RFX7: variants seen among roughly 807,000 people sequenced by gnomAD.
RFX7 encodes the protein DNA-binding protein RFX7.
Under a neutral mutation model 111.8 loss-of-function variants are expected in RFX7, and 26 were observed. The observed-to-expected ratio is 0.23, with a 90% CI of 0.17 to 0.32. The LOEUF (loss-of-function observed/expected upper bound fraction) is 0.32, where lower values mean the gene tolerates loss of function less well. Ranked by LOEUF, RFX7 falls within the 10% of genes least tolerant of loss-of-function variation. RFX7 has a pLI of 1.00. For missense variants in RFX7, 1,573 were observed against 1,772.9 expected, an observed-to-expected ratio of 0.89 and a Z score of 2.02; for synonymous variants, 624 against 624.4, an observed-to-expected ratio of 1.00 and a Z score of 0.01.
At chr15:56,132,028 G>A (rs1019211710) in intron 5 of RFX7, among the ~76,000 whole-genome samples, 48 of 151,718 alleles carry the variant, frequency 3.2e-4, no homozygotes, top group Non-Finnish European at 2.1e-4. Context: ...AGAAATTACC[G>A]AGGATTATGT....
upstream of RFX7, among the ~76,000 whole-genome samples, chr15:56,244,847 A>T (rs2043808059): frequency 6.9e-6 from 1 of 143,974 alleles, no homozygotes; most frequent in African/African-American, 2.5e-5. Context: ...TACCTAAATG[A>T]TAGCTTTGCC....
chr15:56,122,363 T>C (rs1384961681), intron 5 of RFX7, among the ~76,000 whole-genome samples: 1 of 152,174 alleles, frequency 6.6e-6, no homozygotes, highest in Admixed American at 6.5e-5. Flanking sequence ...TCTTCCCTTA[T>C]TTTCTCCCAA....
intron 2 of RFX7, among the ~76,000 whole-genome samples, chr15:56,200,234 G>T (rs1175390185): frequency 6.6e-6 from 1 of 152,156 alleles, no homozygotes; most frequent in African/African-American, 2.4e-5. Context: ...ATAATGAAAT[G>T]AAAACATGAG....
At chr15:56,146,776 A>G (rs2042479570) in intron 3 of RFX7, among the ~76,000 whole-genome samples, 1 of 152,208 alleles carries the variant, frequency 6.6e-6, no homozygotes, top group Non-Finnish European at 1.5e-5. Context: ...TACTGTTTTC[A>G]TTGCCATATG....
chr15:56,148,189 A>G (rs564649062), intron 3 of RFX7, among the ~76,000 whole-genome samples: 2 of 152,332 alleles, frequency 1.3e-5, no homozygotes, highest in African/African-American at 4.8e-5. Flanking sequence ...CTTTGAACTC[A>G]AGTTTGATTT....
chr15:56,202,634 C>A (rs140775670), intron 2 of RFX7, among the ~76,000 whole-genome samples: 1 of 152,186 alleles, frequency 6.6e-6, no homozygotes, highest in African/African-American at 2.4e-5. Context: ...CGAGACCCTA[C>A]CTCTACAAAA....
chr15:56,103,419 T>C, intron 6 of RFX7, 135 bp downstream of exon 6: 1 of 584,590 alleles, frequency 1.7e-6, no homozygotes, highest in Non-Finnish European at 3.1e-6. Flanking sequence ...TTTGCAATTA[T>C]TCTACTTAAG....
intron 3 of RFX7, among the ~76,000 whole-genome samples, chr15:56,166,763 T>C (rs2042787324): frequency 6.6e-6 from 1 of 152,114 alleles, no homozygotes; most frequent in Non-Finnish European, 1.5e-5. Context: ...ACTTTTTTTT[T>C]TGGTTTAAAG....
chr15:56,221,153 T>C (rs1157143856), intron 2 of RFX7, among the ~76,000 whole-genome samples: 1 of 152,252 alleles, frequency 6.6e-6, no homozygotes, highest in Non-Finnish European at 1.5e-5. Context: ...TAGGATTGCC[T>C]TGGCCATTCA....
intron 5 of RFX7, among the ~76,000 whole-genome samples, chr15:56,127,309 G>C (rs2042156360): frequency 6.6e-6 from 1 of 151,654 alleles, no homozygotes; most frequent in Non-Finnish European, 1.5e-5. Flanking sequence ...AAATATATGG[G>C]ATGTAGTCAA....
At chr15:56,133,607 G>A (rs1366875014) in intron 5 of RFX7, among the ~76,000 whole-genome samples, 4 of 152,078 alleles carry the variant, frequency 2.6e-5, no homozygotes, top group African/African-American at 9.7e-5. Context: ...AGTGCCTAAT[G>A]ATTGTGTGTC....
At chr15:56,111,119 G>T (rs1293563755) in intron 5 of RFX7, among the ~76,000 whole-genome samples, 1 of 137,728 alleles carries the variant, frequency 7.3e-6, no homozygotes, top group African/African-American at 2.6e-5. Flanking sequence ...GAGCCCCTCT[G>T]CCCGGCCACC....
chr15:56,177,057 A>AACT (rs375161657), intron 3 of RFX7, among the ~76,000 whole-genome samples: 30 of 152,062 alleles, frequency 2.0e-4, no homozygotes, highest in Middle Eastern at 3.2e-3. Flanking sequence ...TTCCTGCTTG[A>AACT]ACTTTTCTAT....
intron 2 of RFX7, among the ~76,000 whole-genome samples, chr15:56,206,450 C>T (rs2043252964): frequency 6.6e-6 from 1 of 152,012 alleles, no homozygotes; most frequent in African/African-American, 2.4e-5. Flanking sequence ...TTGGAGGCTC[C>T]TCAAAAAACT....
chr15:56,147,823 T>C (rs749436858), intron 3 of RFX7, among the ~76,000 whole-genome samples: 3 of 152,230 alleles, frequency 2.0e-5, no homozygotes, highest in Non-Finnish European at 2.9e-5. Context: ...TCCGCCTGCC[T>C]TGGCCTCCCA....
chr15:56,129,574 C>T (rs1033278739), intron 5 of RFX7, among the ~76,000 whole-genome samples: 2 of 152,132 alleles, frequency 1.3e-5, no homozygotes, highest in African/African-American at 4.8e-5. Flanking sequence ...GATATTCTTA[C>T]AGTATACTTT....
At chr15:56,144,601 T>C (rs2042443818) in intron 3 of RFX7, 118 bp from the exon 4 acceptor site, 2 of 355,704 alleles carry the variant, frequency 5.6e-6, no homozygotes, top group South Asian at 2.5e-5. Context: ...AACAGATGAA[T>C]CATCTGTCTT....
chr15:56,192,702 A>C, intron 2 of RFX7: 1 of 219,678 alleles, frequency 4.6e-6, no homozygotes, highest in Admixed American at 4.1e-5. Context: ...CAAGTTTACC[A>C]AAGATTCAAA....
At chr15:56,184,193 A>ATTTTTTTTTTTT (rs35880948) in intron 2 of RFX7, among the ~76,000 whole-genome samples, 6 of 80,730 alleles carry the variant, frequency 7.4e-5, no homozygotes, top group Non-Finnish European at 1.1e-4. Context: ...CTAATTTTGT[A>ATTTTTTTTTTTT]TTTTTTTTTT....
Sources: allele counts gnomAD v4.1 joint callset (sites outside exome capture counted in the v4.1 genomes callset), GRCh38; gene constraint gnomAD v4.1.1; transcripts MANE v1.5; gene names NCBI Gene and HGNC (gene_info 2026-07-23, HGNC 2026-07-21).